RHOA: variants seen among roughly 807,000 people sequenced by gnomAD.
RHOA encodes the protein ras homolog family member A.
A neutral mutation model predicts 17.5 loss-of-function variants in RHOA; 3 were observed. The observed-to-expected ratio is 0.17, with a 90% CI of 0.08 to 0.44. The LOEUF is 0.44. Among genes scored for constraint, RHOA ranks in the 20% least tolerant of loss-of-function variants. The pLI, the probability that RHOA is intolerant of heterozygous loss-of-function variation, is 0.99. For missense variants in RHOA, 56 were observed against 242.3 expected, an observed-to-expected ratio of 0.23 and a Z score of 5.10; for synonymous variants, 98 against 88.4, an observed-to-expected ratio of 1.11 and a Z score of -0.61.
intron 2 of RHOA, among the ~76,000 whole-genome samples, chr3:49,373,000 C>T (rs2048169597): frequency 6.6e-6 from 1 of 152,058 alleles, no homozygotes; most frequent in Non-Finnish European, 1.5e-5. Flanking sequence ...CACACAGTGC[C>T]ACAAAAGGAG....
chr3:49,374,505 G>A (rs2048193132), intron 2 of RHOA, among the ~76,000 whole-genome samples: 1 of 151,960 alleles, frequency 6.6e-6, no homozygotes. Context: ...GATCATCTGA[G>A]GTCAGGAGCT....
chr3:49,403,100 G>A (rs1221957509), intron 1 of RHOA, among the ~76,000 whole-genome samples: 1 of 151,410 alleles, frequency 6.6e-6, no homozygotes, highest in African/African-American at 2.4e-5. Flanking sequence ...CCAACACTTT[G>A]GGAAGCAGAG....
intron 1 of RHOA, among the ~76,000 whole-genome samples, chr3:49,408,173 A>AT (rs1312757512): frequency 3.3e-5 from 5 of 149,512 alleles, no homozygotes; most frequent in African/African-American, 1.0e-4. Flanking sequence ...GAGAAAAAAA[A>AT]AAAAATATAT....
intron 1 of RHOA, among the ~76,000 whole-genome samples, chr3:49,401,645 G>A (rs1205946136): frequency 6.6e-6 from 1 of 151,968 alleles, no homozygotes; most frequent in Non-Finnish European, 1.5e-5. Flanking sequence ...AATTCCTGAT[G>A]AAAGGGCCAA....
At chr3:49,362,801 A>C (rs929199289) in intron 3 of RHOA, among the ~76,000 whole-genome samples, 175 bp from the exon 4 acceptor site, 2 of 152,234 alleles carry the variant, frequency 1.3e-5, no homozygotes, top group African/African-American at 4.8e-5. Context: ...CCTTTCCTTT[A>C]AACAGAGAAC....
chr3:49,406,346 TAGA>T (rs1016853245), intron 1 of RHOA, among the ~76,000 whole-genome samples: 2 of 152,166 alleles, frequency 1.3e-5, no homozygotes, highest in Non-Finnish European at 2.9e-5. Context: ...ATACAATGGC[TAGA>T]AGAATACAGT....
intron 3 of RHOA, among the ~76,000 whole-genome samples, chr3:49,364,481 G>T (rs565917752): frequency 9.2e-4 from 139 of 151,644 alleles, no homozygotes; most frequent in Admixed American, 2.6e-3. Flanking sequence ...GCGAAACTCC[G>T]TCTCAAAAAC....
At chr3:49,403,143 C>T (rs1390441548) in intron 1 of RHOA, among the ~76,000 whole-genome samples, 5 of 151,948 alleles carry the variant, frequency 3.3e-5, no homozygotes, top group Non-Finnish European at 5.9e-5. Context: ...TCGAGACCAT[C>T]CTGGCTAACA....
chr3:49,380,716 TA>T (rs2048302753), intron 1 of RHOA, among the ~76,000 whole-genome samples: 2 of 112,138 alleles, frequency 1.8e-5, no homozygotes, highest in East Asian at 7.0e-4. Flanking sequence ...ATAATAATAA[TA>T]ATAAATACTC....
At chr3:49,361,383 C>T (rs1234681896) in intron 4 of RHOA, among the ~76,000 whole-genome samples, 1 of 152,124 alleles carries the variant, frequency 6.6e-6, no homozygotes, top group Non-Finnish European at 1.5e-5. Context: ...GTGAGGAAGC[C>T]CTGCCATTAG....
chr3:49,396,916 G>A (rs2048625261), intron 1 of RHOA, among the ~76,000 whole-genome samples: 1 of 152,040 alleles, frequency 6.6e-6, no homozygotes, highest in Admixed American at 6.6e-5. Flanking sequence ...GATCACTTGA[G>A]CCCAGGAGTT....
intron 1 of RHOA, among the ~76,000 whole-genome samples, chr3:49,409,912 G>T (rs1252627552): frequency 6.6e-6 from 1 of 152,088 alleles, no homozygotes; most frequent in African/African-American, 2.4e-5. Context: ...TCTTGGTTTT[G>T]AAGCAGTAAA....
chr3:49,359,990 G>T lies in RHOA; in HGVS notation c.*219C>A. 2.1e-6 allele frequency: 1 copy of T among 474,546 alleles called. No individual in the cohort carries two copies. The highest frequency in any genetic ancestry group is 3.4e-5 in the East Asian group (1 of 29,418). 29.4% of individuals were successfully genotyped at this position (474,546 alleles called of 1,614,324 possible). A position where few individuals can be genotyped will look rare whatever the true frequency, so the allele number is the denominator to read the frequency against. On this transcript the variant is annotated 3_prime_UTR_variant, in exon 5 of 5. Coordinates refer to ENST00000418115, the MANE Select transcript of RHOA (RefSeq NM_001664.4). ...TGGTGTGTCAGGTGGGAGTGCAGAG[G>T]AGGGCTGTTAGAGCAGTGTCAAAAG...
chr3:49,369,531 G>C (rs886082225), intron 2 of RHOA, among the ~76,000 whole-genome samples: 1 of 150,604 alleles, frequency 6.6e-6, no homozygotes, highest in Non-Finnish European at 1.5e-5. Flanking sequence ...TCAGGAGTTC[G>C]AGACCAGCCT....
At chr3:49,408,540 C>G (rs1423298234) in intron 1 of RHOA, among the ~76,000 whole-genome samples, 2 of 152,052 alleles carry the variant, frequency 1.3e-5, no homozygotes, top group Non-Finnish European at 2.9e-5. Context: ...ATGAACATAC[C>G]AAGGCCTTCA....
In RHOA at chr3:49,359,781, TGC is replaced by T. The variant is rs1472326790; in HGVS notation, c.*426_*427del. On this transcript the variant is annotated 3_prime_UTR_variant, in exon 5 of 5. Transcript: ENST00000418115. ...CAAAAAACTGCCCACCCCAGAGCTA[TGC>T]CAACAAAATCTGTTACGGAGTAAAG... 4.2e-6 allele frequency: 1 copy of T among 235,328 alleles called. No individual in the cohort carries two copies. Among genetic ancestry groups the T allele is most frequent in the Non-Finnish European group, 8.4e-6 (1 of 118,910 alleles). The allele number at this position is 235,328 out of a possible 1,614,324, so 14.6% of individuals were successfully genotyped here.
chr3:49,399,325 G>T (rs1048042510), intron 1 of RHOA, among the ~76,000 whole-genome samples: 4 of 150,314 alleles, frequency 2.7e-5, no homozygotes, highest in Non-Finnish European at 4.4e-5. Context: ...AGCCGAGATC[G>T]CACCACTGCA....
intron 1 of RHOA, among the ~76,000 whole-genome samples, chr3:49,384,572 T>C (rs762533845): frequency 1.9e-4 from 29 of 152,036 alleles, no homozygotes; most frequent in Non-Finnish European, 3.2e-4. Flanking sequence ...GGTGGTGTTA[T>C]CATGGCTTAC....
chr3:49,379,165 A>C (rs954002067), intron 1 of RHOA, among the ~76,000 whole-genome samples: 15 of 152,208 alleles, frequency 9.9e-5, no homozygotes, highest in Non-Finnish European at 1.6e-4. Context: ...GATGAATATA[A>C]TATATCCATA....
Sources: allele counts gnomAD v4.1 joint callset (sites outside exome capture counted in the v4.1 genomes callset), GRCh38; gene constraint gnomAD v4.1.1; transcripts MANE v1.5; gene names NCBI Gene and HGNC (gene_info 2026-07-23, HGNC 2026-07-21).